Variants in TSHR observed in about 807,000 individuals in gnomAD.
TSHR encodes thyroid stimulating hormone receptor, also known as thyrotropin receptor.
A neutral mutation model predicts 64.1 loss-of-function variants in TSHR; 51 were observed. The observed-to-expected ratio is 0.80, with a 90% CI of 0.64 to 1.01. TSHR has a LOEUF of 1.01. Among genes scored for constraint, TSHR ranks in the 50% least tolerant of loss-of-function variants. The probability of loss-of-function intolerance (pLI) is 0.00; values close to 1 mark genes in which losing one functional copy is unlikely to be tolerated. For missense variants in TSHR, 877 were observed against 942.8 expected, an observed-to-expected ratio of 0.93 and a Z score of 0.91; for synonymous variants, 361 against 361.9, an observed-to-expected ratio of 1.00 and a Z score of 0.03.
chr14:81,126,957 A>G (rs1022021167), intron 8 of TSHR, among the ~76,000 whole-genome samples: 2 of 152,240 alleles, frequency 1.3e-5, no homozygotes, highest in Admixed American at 6.5e-5. Flanking sequence ...TTATCTGTAT[A>G]ATGAAAGAAG....
intron 1 of TSHR, among the ~76,000 whole-genome samples, chr14:80,980,156 C>T (rs1431922650): frequency 6.6e-6 from 1 of 152,138 alleles, no homozygotes; most frequent in East Asian, 1.9e-4. Context: ...ATTTTTACAT[C>T]CTAGAATGTG....
chr14:80,974,184 C>G (rs1404956985), intron 1 of TSHR, among the ~76,000 whole-genome samples: 1 of 152,172 alleles, frequency 6.6e-6, no homozygotes, highest in Non-Finnish European at 1.5e-5. Flanking sequence ...TCGGTGTGAG[C>G]ATTATATCAA....
intron 8 of TSHR, among the ~76,000 whole-genome samples, chr14:81,130,530 A>T (rs1026786379): frequency 6.6e-5 from 10 of 151,218 alleles, no homozygotes; most frequent in Admixed American, 3.3e-4. Flanking sequence ...CTTCTTCCTG[A>T]TCTCTTAATG....
Position 80,971,508 on chromosome 14 carries a change from T to C in TSHR, c.170+15658T>C, listed in dbSNP as rs148599674. Among the ~76,000 whole-genome samples, 41 of 152,352 alleles carry C rather than the reference T, an allele frequency of 2.7e-4. 1 individual carries two copies. Among genetic ancestry groups the C allele is most frequent in the African/African-American group, 9.4e-4 (39 of 41,580 alleles). Reference sequence around the variant, plus strand: ...AGTGCTACAGGCTGTGCTGATGTGTTCCAGTGAAGACATATCTGGCACAGC... The same window carrying C: ...AGTGCTACAGGCTGTGCTGATGTGTCCCAGTGAAGACATATCTGGCACAGC... On this transcript the variant is annotated intron_variant, in intron 1 of 9. Coordinates refer to ENST00000298171, the MANE Select transcript of TSHR (RefSeq NM_000369.5).
chr14:80,969,130 C>T (rs1210699791), intron 1 of TSHR, among the ~76,000 whole-genome samples: 1 of 152,182 alleles, frequency 6.6e-6, no homozygotes, highest in Non-Finnish European at 1.5e-5. Flanking sequence ...AGCTCATATC[C>T]TTTCTTAGAT....
At chr14:81,131,842 T>C (rs1891261992) in intron 8 of TSHR, among the ~76,000 whole-genome samples, 1 of 152,208 alleles carries the variant, frequency 6.6e-6, no homozygotes, top group Non-Finnish European at 1.5e-5. Flanking sequence ...ACTGTATGTC[T>C]TCACTTTTTT....
At position 81,144,011 on chromosome 14, in the gene TSHR, G is replaced by T. The variant is rs1891826850; in HGVS notation, c.1953G>T (p.Lys651Asn). 1 of 1,614,160 alleles carries T rather than the reference G, an allele frequency of 6.2e-7. No individual in the cohort carries two copies. Among genetic ancestry groups the T allele is most frequent in the East Asian group, 2.2e-5 (1 of 44,872 alleles). The part of the protein sequence containing the change: ...SFYALSAILN[K>N]PLITVSNSKI... The stretch of plus-strand genomic sequence containing the variant: ...ATGCTCTGTCAGCAATTCTGAACAA[G>T]CCTCTCATCACTGTTAGCAACTCCA... The change falls in exon 10 of 10, where the codon AAG (lysine) becomes AAT (asparagine). Residue 651 changes from lysine (K) to asparagine (N), a missense_variant. Physicochemically the swap from Lys to Asn is moderately conservative, Grantham distance 94. Coordinates refer to ENST00000298171, the MANE Select transcript of TSHR (RefSeq NM_000369.5).
rs1410386732 is a variant in TSHR, at chr14:81,144,203, C to T, written c.2145C>T (p.Asn715=). The T allele has an allele frequency of 1.2e-6, 2 of 1,613,496 alleles. No individual in the cohort carries two copies. The highest frequency in any genetic ancestry group is 1.3e-5 in the African/African-American group (1 of 74,852). ...GGGGGCAGAGGGTTCCTCCAAAGAA[C>T]AGCACTGATATTCAGGTTCAAAAGG... The part of the protein sequence containing the change: ...AYRGQRVPPK[N]STDIQVQKVT... Residue 715 remains asparagine (N), a synonymous_variant, in exon 10 of 10, where the codon AAC becomes AAT. Coordinates refer to ENST00000298171, the MANE Select transcript of TSHR (RefSeq NM_000369.5).
chr14:81,095,269 A>C (rs1243302281), intron 6 of TSHR, among the ~76,000 whole-genome samples: 1 of 152,110 alleles, frequency 6.6e-6, no homozygotes, highest in Non-Finnish European at 1.5e-5. Context: ...TGGTAGGTGG[A>C]AATAATTATA....
At chr14:81,120,677 C>T (rs1258104349) in intron 8 of TSHR, among the ~76,000 whole-genome samples, 1 of 152,018 alleles carries the variant, frequency 6.6e-6, no homozygotes, top group Non-Finnish European at 1.5e-5. Context: ...TTTGTATTGC[C>T]TAATTGTTCT....
chr14:81,065,233 T>C (rs531258782), intron 2 of TSHR, among the ~76,000 whole-genome samples: 7 of 152,226 alleles, frequency 4.6e-5, no homozygotes, highest in South Asian at 2.1e-4. Context: ...TACACACTTC[T>C]CCCAGGGCAC....
At chr14:81,084,608 C>T (rs1888149453) in intron 3 of TSHR, among the ~76,000 whole-genome samples, 1 of 152,204 alleles carries the variant, frequency 6.6e-6, no homozygotes, top group African/African-American at 2.4e-5. Flanking sequence ...AGAGCAGCCA[C>T]CTTCAGGCAG....
chr14:81,030,476 A>G (rs2300523), intron 1 of TSHR, among the ~76,000 whole-genome samples: 37,144 of 152,088 alleles, frequency 0.24, 4,655 homozygotes, highest in South Asian at 0.33. Context: ...ATTATTATAT[A>G]GGATGAAATA....
chr14:81,122,067 G>A lies in TSHR; in HGVS notation c.692+13615G>A, dbSNP rs1322163290. Reference sequence around the variant, plus strand: ...TTTTTTTTTTTTTTTTTTTTGAGACGAAGTCTTGCTCTGTCACCCAGGCTG... The same window carrying A: ...TTTTTTTTTTTTTTTTTTTTGAGACAAAGTCTTGCTCTGTCACCCAGGCTG... On this transcript the variant is annotated intron_variant, in intron 8 of 9. Transcript: ENST00000298171. Among the ~76,000 whole-genome samples the A allele has an allele frequency of 1.9e-4, 9 of 47,036 alleles. No individual in the cohort carries two copies. The Admixed American group carries it at 2.0e-3, about 11-fold the overall frequency. The allele number at this position is 47,036 out of a possible 152,430, so 30.9% of individuals were successfully genotyped here. A position where few individuals can be genotyped will look rare whatever the true frequency, so the allele number is the denominator to read the frequency against.
At chr14:81,135,586 G>T (rs35933410) in intron 8 of TSHR, among the ~76,000 whole-genome samples, 15,321 of 152,114 alleles carry the variant, frequency 0.1, 873 homozygotes, top group African/African-American at 0.15. Flanking sequence ...GGGGTGGGGG[G>T]TTCTTAGCAC....
At chr14:80,970,459 G>C (rs1000503549) in intron 1 of TSHR, among the ~76,000 whole-genome samples, 6 of 152,172 alleles carry the variant, frequency 3.9e-5, no homozygotes, top group African/African-American at 1.4e-4. Flanking sequence ...CCTCATAAAG[G>C]GTATTTCTGT....
At chr14:81,019,212 T>C (rs1429905504) in intron 1 of TSHR, among the ~76,000 whole-genome samples, 1 of 151,932 alleles carries the variant, frequency 6.6e-6, no homozygotes, top group East Asian at 1.9e-4. Context: ...CGGGCACCTG[T>C]AGTCCCAACT....
chr14:81,025,278 C>G (rs759952059), intron 1 of TSHR, among the ~76,000 whole-genome samples: 1 of 151,922 alleles, frequency 6.6e-6, no homozygotes, highest in Admixed American at 6.6e-5. Context: ...TTCTTAATTT[C>G]TTTTTATATT....
intron 3 of TSHR, 113 bp downstream of exon 3, chr14:81,068,441 C>T (rs1417016330): frequency 2.2e-6 from 2 of 904,012 alleles, no homozygotes; most frequent in Non-Finnish European, 3.6e-6. Flanking sequence ...GTCAAAACTT[C>T]TGTTTATGAT....
Sources: allele counts gnomAD v4.1 joint callset (sites outside exome capture counted in the v4.1 genomes callset), GRCh38; gene constraint gnomAD v4.1.1; transcripts MANE v1.5; gene names NCBI Gene and HGNC (gene_info 2026-07-23, HGNC 2026-07-21).